Variants in LPCAT4 observed in about 807,000 individuals in gnomAD.
The protein encoded by LPCAT4 is lysophospholipid acyltransferase LPCAT4.
In LPCAT4, 30 loss-of-function variants were observed where a neutral mutation model predicts 66.5. The observed-to-expected ratio is 0.45, with a 90% confidence interval of 0.34 to 0.61. The LOEUF is 0.61. LPCAT4 is among the 20% of genes least tolerant of loss of function. The pLI is 0.01. For missense variants in LPCAT4, 557 were observed against 656.7 expected (o/e 0.85, Z 1.66); for synonymous variants, 253 against 262.1 (o/e 0.97, Z 0.34).
At chr15:34,364,396 A>G in intron 3 of LPCAT4, 90 bp from the exon 4 acceptor site, 1 of 738,118 alleles carries the variant, frequency 1.4e-6, no homozygotes, top group Non-Finnish European at 2.3e-6. Context: ...ACAGCATGAG[A>G]AGTTTCTGTT....
chr15:34,363,871 G>A lies in LPCAT4; in HGVS notation c.652+142C>T. On this transcript the variant is annotated intron_variant, in intron 5 of 13. Coordinates refer to ENST00000314891, the MANE Select transcript of LPCAT4 (RefSeq NM_153613.3). The surrounding 1 kb of genome is among the most constrained non-coding windows in gnomAD (Gnocchi z 4.3). ...AATTTTCTCTCTGACTCCTCGACTT[G>A]ACAGCATTAGCTAGGAGGTTCCTGG... 1 of 1,263,952 alleles carries A rather than the reference G, an allele frequency of 7.9e-7. No homozygotes were observed. The allele number at this position is 1,263,952 out of a possible 1,614,324, so 78.3% of individuals were successfully genotyped here.
chr15:34,358,667 G>C lies in LPCAT4; in HGVS notation c.*460C>G, dbSNP rs1595616395. 6.5e-6 allele frequency: 1 copy of C among 152,764 alleles called. No homozygotes were observed. The highest frequency in any genetic ancestry group is 2.4e-5 in the African/African-American group (1 of 41,444). 9.5% of individuals were successfully genotyped at this position (152,764 alleles called of 1,614,324 possible). ...ATCTTTAATGAGGACAGAGCAAGAGGGAATGGGCTGAAAAGAGGTTCACGA... is the reference window on the plus strand; with the variant it reads ...ATCTTTAATGAGGACAGAGCAAGAGCGAATGGGCTGAAAAGAGGTTCACGA... On this transcript the variant is annotated 3_prime_UTR_variant, in exon 14 of 14. Coordinates refer to ENST00000314891, the MANE Select transcript of LPCAT4 (RefSeq NM_153613.3).
chr15:34,365,679 A>G lies in LPCAT4; in HGVS notation c.137T>C (p.Leu46Pro). ...RVKFCLLGAL[L>P]APIRVLLAFI... ...GGCCAGAAGCACTCGGATGGGGGCC[A>G]GCAATGCCCCCAGGAGGCAGAACTG... Residue 46 changes from leucine (L) to proline (P), a missense_variant, in exon 2 of 14, where the codon CTG becomes CCG. Around this residue, in one of 4 missense-constraint regions of LPCAT4, gnomAD observed 94 missense variants for 71.5 expected, o/e 1.32. Coordinates refer to ENST00000314891, the MANE Select transcript of LPCAT4 (RefSeq NM_153613.3). 1 of 1,614,020 alleles carries G rather than the reference A, an allele frequency of 6.2e-7. No individual in the cohort carries two copies. Among genetic ancestry groups the G allele is most frequent in the South Asian group, 1.1e-5 (1 of 91,078 alleles).
At position 34,360,095 on chromosome 15, in the gene LPCAT4, C is replaced by T. The variant is rs762480919; in HGVS notation, c.1242+16G>A. 8.2e-6 allele frequency: 13 copies of T among 1,592,462 alleles called. No individual in the cohort carries two copies. Among genetic ancestry groups the T allele is most frequent in the South Asian group, 3.3e-5 (3 of 90,374 alleles). ...ATAGCCACTAAGCACCCCCCACCAC[C>T]GCCACCCCCCATTACCTCAAAGGCC... On this transcript the variant is annotated intron_variant, in intron 12 of 13. Transcript: ENST00000314891.
chr15:34,364,925 G>T, intron 3 of LPCAT4, 83 bp downstream of exon 3: 1 of 1,197,516 alleles, frequency 8.4e-7, no homozygotes, highest in Non-Finnish European at 1.2e-6. Context: ...TTTGAGGCCA[G>T]TTCTTCACTC....
intron 9 of LPCAT4, 114 bp from the exon 10 acceptor site, chr15:34,362,435 T>C: frequency 6.9e-7 from 1 of 1,455,672 alleles, no homozygotes; most frequent in Non-Finnish European, 9.4e-7. Flanking sequence ...TAAATCTCCC[T>C]GCCTCTGTCT....
At chr15:34,359,452 T>C in intron 13 of LPCAT4, 137 bp downstream of exon 13, 2 of 1,336,538 alleles carry the variant, frequency 1.5e-6, no homozygotes, top group Non-Finnish European at 2.0e-6. Context: ...TTCTAGCCTG[T>C]TCCTCCCAGC....
At chr15:34,361,363 C>T in intron 11 of LPCAT4, 37 bp downstream of exon 11, 1 of 1,612,830 alleles carries the variant, frequency 6.2e-7, no homozygotes, top group Non-Finnish European at 8.5e-7. Flanking sequence ...GGAGGGAAGC[C>T]TGGGTTCTGC....
In LPCAT4 at chr15:34,365,001, C is replaced by A; in HGVS notation, c.478+7G>T. On this transcript the variant is annotated splice_region_variant and intron_variant, in intron 3 of 13. Coordinates refer to ENST00000314891, the MANE Select transcript of LPCAT4 (RefSeq NM_153613.3). The stretch of plus-strand genomic sequence containing the variant: ...CCCTGCCCTTCACCCCCTTTGAACT[C>A]TCTCACCTCCAATGACAGGAACGGA... 6.2e-7 allele frequency: 1 copy of A among 1,604,180 alleles called. No individual in the cohort carries two copies. Among genetic ancestry groups the A allele is most frequent in the Non-Finnish European group, 8.5e-7 (1 of 1,172,376 alleles).
Position 34,363,927 on chromosome 15 carries a change from TCTA to T in LPCAT4, c.652+83_652+85del. ...CTTCCTCTCCCATCCCTCCCCCTCTTCTACTTCTTGGGTTATTTCAGAGTCCCT... is the reference window on the plus strand; with the variant it reads ...CTTCCTCTCCCATCCCTCCCCCTCTTCTTCTTGGGTTATTTCAGAGTCCCT... On this transcript the variant is annotated intron_variant, in intron 5 of 13. Coordinates refer to ENST00000314891, the MANE Select transcript of LPCAT4 (RefSeq NM_153613.3). This position sits in a 1 kb window ranked among gnomAD's most constrained non-coding sequence, Gnocchi z 4.3. 1.4e-6 allele frequency: 2 copies of T among 1,447,700 alleles called. No homozygotes were observed. The highest frequency in any genetic ancestry group is 1.9e-6 in the Non-Finnish European group (2 of 1,036,980). The allele number at this position is 1,447,700 out of a possible 1,614,324, so 89.7% of individuals were successfully genotyped here. A position where few individuals can be genotyped will look rare whatever the true frequency, so the allele number is the denominator to read the frequency against.
intron 3 of LPCAT4, 96 bp from the exon 4 acceptor site, chr15:34,364,402 C>T: frequency 1.2e-5 from 8 of 662,098 alleles, no homozygotes; most frequent in South Asian, 7.6e-5. Flanking sequence ...TGAGAAGTTT[C>T]TGTTATCTCT....
At position 34,365,207 on chromosome 15, in the gene LPCAT4, C is replaced by A; in HGVS notation, c.279G>T (p.Val93=). The part of the protein sequence containing the change: ...GWRKTVCHNG[V]LGLSRLLFFL... The stretch of plus-strand genomic sequence containing the variant: ...AAAACAGCAGGCGGCTCAGGCCTAG[C>A]ACCCCGTTGTGGCACACAGTCCTGC... Residue 93 remains valine, a synonymous_variant, in exon 3 of 14, where the codon GTG becomes GTT. Transcript: ENST00000314891. 6.2e-7 allele frequency: 1 copy of A among 1,610,144 alleles called. No homozygotes were observed. The highest frequency in any genetic ancestry group is 1.1e-5 in the South Asian group (1 of 90,602).
rs767210121 is a variant in LPCAT4 at position 34,365,558 on chromosome 15, C to A, written c.257+1G>T. ...TCTCTGGGGGCTGATCCCTCACTTA[C>A]TTCCTCCATCCTGTAATTGGCTCCT... On this transcript the variant is annotated splice_donor_variant, in intron 2 of 13. Transcript: ENST00000314891. LOFTEE classifies it high-confidence loss of function. 6.2e-7 allele frequency: 1 copy of A among 1,614,236 alleles called. No individual in the cohort carries two copies. The highest frequency in any genetic ancestry group is 1.7e-5 in the Admixed American group (1 of 60,030).
chr15:34,362,468 A>C (rs916620959), intron 9 of LPCAT4, 105 bp downstream of exon 9: 2 of 1,402,852 alleles, frequency 1.4e-6, no homozygotes, highest in Non-Finnish European at 2.0e-6. Flanking sequence ...AGCCCTTCCC[A>C]CTGCCTGCTC....
rs760721750 is a variant in LPCAT4, at chr15:34,364,004, T to G, written c.652+9A>C. 1 of 1,609,898 alleles carries G rather than the reference T, an allele frequency of 6.2e-7. No homozygotes were observed. The highest frequency in any genetic ancestry group is 8.5e-7 in the Non-Finnish European group (1 of 1,176,378). On this transcript the variant is annotated intron_variant, in intron 5 of 13. Coordinates refer to ENST00000314891, the MANE Select transcript of LPCAT4 (RefSeq NM_153613.3). ...CCTACAGCCCACCACCCACTATCAT[T>G]TTATTCACCTGGTTTGAACTTAAGC...
rs79682730 is a variant in LPCAT4 at position 34,362,398 on chromosome 15, C to T, written c.885-77G>A. On this transcript the variant is annotated intron_variant, in intron 9 of 13. Coordinates refer to ENST00000314891, the MANE Select transcript of LPCAT4 (RefSeq NM_153613.3). ...TGAGGGTTGGTTCCTGACCCTGGCC[C>T]GCTGACTGGAGTAGATCAGGCCCCT... 1.6e-3 allele frequency: 2,457 copies of T among 1,573,120 alleles called. 31 individuals carry two copies. In the African/African-American group the frequency reaches 0.027, roughly 17 times the overall value.
At position 34,367,186 on chromosome 15, in the gene LPCAT4, G is replaced by A; in HGVS notation, c.-86C>T. 3 of 1,232,372 alleles carry A rather than the reference G, an allele frequency of 2.4e-6. No individual in the cohort carries two copies. Among genetic ancestry groups the A allele is most frequent in the South Asian group, 4.2e-5 (2 of 48,060 alleles). The allele number at this position is 1,232,372 out of a possible 1,614,324, so 76.3% of individuals were successfully genotyped here. On this transcript the variant is annotated 5_prime_UTR_variant, in exon 1 of 14. Coordinates refer to ENST00000314891, the MANE Select transcript of LPCAT4 (RefSeq NM_153613.3). Reference sequence around the variant, plus strand: ...CAGCTGCTGCTGCAGCAGCGGCGGCGGCGGCGCTCTGGCCCGGGCCCCGCC... The same window carrying A: ...CAGCTGCTGCTGCAGCAGCGGCGGCAGCGGCGCTCTGGCCCGGGCCCCGCC...
chr15:34,365,253 G>A (rs772453143), intron 2 of LPCAT4, 25 bp from the exon 3 acceptor site: 2 of 1,581,966 alleles, frequency 1.3e-6, no homozygotes, highest in Middle Eastern at 4.1e-4. Flanking sequence ...CTGGGTATCA[G>A]CGGAAGCAGT....
At chr15:34,364,949 C>G (rs1275784063) in intron 3 of LPCAT4, 59 bp downstream of exon 3, 2 of 1,463,186 alleles carry the variant, frequency 1.4e-6, no homozygotes, top group Non-Finnish European at 9.4e-7. Flanking sequence ...TGTCTCCATT[C>G]CTGACTTTTT....
Sources: gnomAD v4.1 joint callset for allele counts on GRCh38, gnomAD v4.1.1 for gene constraint, gnomAD v4.1.1 regional missense constraint, Gnocchi (gnomAD v3.1) non-coding constraint, MANE v1.5 for transcripts, NCBI Gene and HGNC (gene_info 2026-07-23, HGNC 2026-07-21) for gene names.